Variants in EML6 observed in about 807,000 individuals in gnomAD.
EML6 encodes the protein EMAP like 6, also known as echinoderm microtubule-associated protein-like 6.
EML6 carries 154 observed loss-of-function variants against 240.1 expected under a neutral mutation model. That is an observed-to-expected ratio of 0.64 (90% CI 0.56 to 0.73). The LOEUF is 0.73. Ranked by LOEUF, EML6 falls within the 30% of genes least tolerant of loss-of-function variation. The pLI, the probability that EML6 is intolerant of heterozygous loss-of-function variation, is 0.00. For missense variants in EML6, 2,964 were observed against 2,474.6 expected (o/e 1.20, Z -4.20); for synonymous variants, 1,148 against 899.0 (o/e 1.28, Z -4.95).
chr2:54,813,337 T>G lies in EML6; in HGVS notation c.303T>G (p.Leu101=). The G allele has an allele frequency of 1.3e-6, 2 of 1,551,706 alleles. No individual in the cohort carries two copies. The highest frequency in any genetic ancestry group is 4.9e-5 in the East Asian group (2 of 40,924). ...DSYNVQTVSL[L]KDVHTHGVAC... is the part of the protein sequence containing the mutation. ...ATAATGTCCAGACTGTGTCTCTTCTTAAAGATGTCCATACACATGGAGTTG... is the reference window on the plus strand; with the variant it reads ...ATAATGTCCAGACTGTGTCTCTTCTGAAAGATGTCCATACACATGGAGTTG... The change falls in exon 3 of 42, where the codon CTT becomes CTG. Residue 101 remains leucine (L), a synonymous_variant. Coordinates refer to ENST00000356458, the MANE Select transcript of EML6 (RefSeq NM_001039753.4).
At chr2:54,733,506 T>A (rs1422176452) in intron 2 of EML6, among the ~76,000 whole-genome samples, 1 of 152,174 alleles carries the variant, frequency 6.6e-6, no homozygotes, top group African/African-American at 2.4e-5. Flanking sequence ...CACTGCACAG[T>A]ATCACGCAGC....
intron 5 of EML6, among the ~76,000 whole-genome samples, chr2:54,826,194 C>T (rs1668582889): frequency 6.6e-6 from 1 of 152,200 alleles, no homozygotes; most frequent in Non-Finnish European, 1.5e-5. Flanking sequence ...GCTTTCCCTC[C>T]CCTCCAGATG....
chr2:54,928,675 A>G lies in EML6; in HGVS notation c.3928A>G (p.Ile1310Val). 6.4e-7 allele frequency: 1 copy of G among 1,552,020 alleles called. No homozygotes were observed. The highest frequency in any genetic ancestry group is 8.7e-7 in the Non-Finnish European group (1 of 1,147,066). Residue 1310 changes from isoleucine (I) to valine (V), a missense_variant, in exon 28 of 42, where the codon ATT (isoleucine) becomes GTT (valine). Ile to Val is a conservative substitution (Grantham distance 29). Coordinates refer to ENST00000356458, the MANE Select transcript of EML6 (RefSeq NM_001039753.4). The stretch of plus-strand genomic sequence containing the variant: ...AAAGGCCATTGACTACACCACCAAG[A>G]TTTATGCTGTGAGCATCAGGGAAAT... ...REKAIDYTTK[I>V]YAVSIREMEG...
At chr2:54,756,331 AG>A (rs756693397) in intron 2 of EML6, among the ~76,000 whole-genome samples, 1 of 152,192 alleles carries the variant, frequency 6.6e-6, no homozygotes, top group Non-Finnish European at 1.5e-5. Flanking sequence ...TAGCTTTTAT[AG>A]AAGTTCTCAA....
chr2:54,847,551 TA>T lies in EML6; in HGVS notation c.1116del (p.Ala373LeufsTer13), dbSNP rs1669832164. The T allele has an allele frequency of 6.4e-7, 1 of 1,552,184 alleles. No individual in the cohort carries two copies. ...AACATGGAAGAGGCGGTTCGCAGTG[TA>T]GCTTTCAGCCCCGACGGATCTCAGC... ...RCNMEEAVRS[V>X]AFSPDGSQLA... On this transcript the variant is annotated frameshift_variant, in exon 9 of 42. Coordinates refer to ENST00000356458, the MANE Select transcript of EML6 (RefSeq NM_001039753.4). LOFTEE classifies it high-confidence loss of function.
intron 16 of EML6, among the ~76,000 whole-genome samples, chr2:54,878,647 A>G (rs1300383979): frequency 6.6e-6 from 1 of 152,260 alleles, no homozygotes; most frequent in Non-Finnish European, 1.5e-5. Context: ...TTATTCTCTT[A>G]GAGAAATAAA....
chr2:54,964,145 A>C lies in EML6; in HGVS notation c.5317A>C (p.Ile1773Leu), dbSNP rs1366657690. The change falls in exon 37 of 42, where the codon ATC becomes CTC. Residue 1773 changes from isoleucine to leucine, a missense_variant. Physicochemically the swap from Ile to Leu is conservative, Grantham distance 5 (BLOSUM62 2). Transcript: ENST00000356458. ...WGKKRDRKSA[I>L]QDIRISPDNR... The stretch of plus-strand genomic sequence containing the variant: ...GAAAAAACGAGACCGGAAATCTGCT[A>C]TCCAAGATATCAGGTACCTAAGTGG... 9.7e-6 allele frequency: 15 copies of C among 1,551,520 alleles called. No homozygotes were observed. The highest frequency in any genetic ancestry group is 1.1e-5 in the Non-Finnish European group (13 of 1,146,952).
At chr2:54,744,749 A>T (rs979354888) in intron 2 of EML6, among the ~76,000 whole-genome samples, 1 of 151,994 alleles carries the variant, frequency 6.6e-6, no homozygotes, top group Admixed American at 6.6e-5. Context: ...ATGGGGGCCT[A>T]TTTCAGACAT....
chr2:54,891,796 A>C (rs981280525), intron 18 of EML6, among the ~76,000 whole-genome samples: 2 of 152,210 alleles, frequency 1.3e-5, no homozygotes, highest in Non-Finnish European at 2.9e-5. Context: ...AATGCCACCC[A>C]GTATGTCTGG....
At position 54,724,739 on chromosome 2, in the gene EML6, G is replaced by A. The variant is rs1006295323; in HGVS notation, c.-323G>A. ...ATGTAAAAGGCGGGGTGGCCCCCCC[G>A]AGAGCCTCTCCCGGGGGCCGGAGCC... On this transcript the variant is annotated 5_prime_UTR_variant, in exon 2 of 42. Coordinates refer to ENST00000356458, the MANE Select transcript of EML6 (RefSeq NM_001039753.4). This position sits in a 1 kb window ranked among gnomAD's most constrained non-coding sequence, Gnocchi z 5.2. The A allele has an allele frequency of 1.3e-5, 2 of 152,506 alleles. No individual in the cohort carries two copies. The highest frequency in any genetic ancestry group is 2.4e-5 in the African/African-American group (1 of 41,376). 9.4% of individuals were successfully genotyped at this position (152,506 alleles called of 1,614,324 possible).
intron 2 of EML6, among the ~76,000 whole-genome samples, chr2:54,747,775 A>C (rs1450055477): frequency 6.6e-6 from 1 of 152,188 alleles, no homozygotes; most frequent in African/African-American, 2.4e-5. Context: ...TTTATCCTTA[A>C]GATATGAAAT....
At position 54,911,059 on chromosome 2, in the gene EML6, A is replaced by G; in HGVS notation, c.3498+17A>G. ...CCTTCAGAGGTAATAATCATACACA[A>G]AGATTTTTAAAGATATTTTGTGAAG... On this transcript the variant is annotated intron_variant, in intron 25 of 41. Coordinates refer to ENST00000356458, the MANE Select transcript of EML6 (RefSeq NM_001039753.4). The G allele has an allele frequency of 8.0e-7, 1 of 1,253,128 alleles. No individual in the cohort carries two copies. The highest frequency in any genetic ancestry group is 1.1e-6 in the Non-Finnish European group (1 of 890,780). 77.6% of individuals were successfully genotyped at this position (1,253,128 alleles called of 1,614,324 possible).
intron 11 of EML6, among the ~76,000 whole-genome samples, chr2:54,857,745 A>C (rs1166604563): frequency 3.3e-5 from 5 of 152,256 alleles, no homozygotes; most frequent in Non-Finnish European, 7.4e-5. Context: ...ATCTAGGGAG[A>C]GAGCACTTCA....
chr2:54,752,941 A>C (rs1242434598), intron 2 of EML6, among the ~76,000 whole-genome samples: 1 of 152,178 alleles, frequency 6.6e-6, no homozygotes, highest in Non-Finnish European at 1.5e-5. Flanking sequence ...GGCATCCGCC[A>C]CCACACCCAG....
chr2:54,794,487 A>C (rs1669643528), intron 2 of EML6, among the ~76,000 whole-genome samples: 1 of 152,212 alleles, frequency 6.6e-6, no homozygotes, highest in Admixed American at 6.5e-5. Context: ...GAGTAGGGAC[A>C]GGACGGGGAA....
intron 24 of EML6, among the ~76,000 whole-genome samples, chr2:54,907,991 AGATAGATAGAT>A (rs1204406999): frequency 2.1e-5 from 3 of 145,042 alleles, no homozygotes; most frequent in East Asian, 1.9e-4. Flanking sequence ...ATAGATAGAT[AGATAGATAGAT>A]ATCACAGCAG....
chr2:54,765,522 A>G (rs1203039295), intron 2 of EML6, among the ~76,000 whole-genome samples: 1 of 152,094 alleles, frequency 6.6e-6, no homozygotes, highest in African/African-American at 2.4e-5. Context: ...GTGCAGTGGC[A>G]CGATCTCGGC....
intron 11 of EML6, among the ~76,000 whole-genome samples, chr2:54,856,119 T>C (rs187347305): frequency 1.2e-3 from 175 of 151,888 alleles, no homozygotes; most frequent in African/African-American, 3.9e-3. Context: ...TTAATGAAAA[T>C]GACTGCTACT....
chr2:54,853,246 A>G (rs1486525498), intron 10 of EML6, among the ~76,000 whole-genome samples: 1 of 152,216 alleles, frequency 6.6e-6, no homozygotes, highest in Non-Finnish European at 1.5e-5. Flanking sequence ...TAATAATACA[A>G]AGCATAATAC....
Sources: gnomAD v4.1 joint callset for allele counts (sites outside exome capture counted in the v4.1 genomes callset) on GRCh38, gnomAD v4.1.1 for gene constraint, Gnocchi (gnomAD v3.1) non-coding constraint, MANE v1.5 for transcripts, NCBI Gene and HGNC (gene_info 2026-07-23, HGNC 2026-07-21) for gene names.